Variants in KCND3 observed in about 807,000 individuals in gnomAD.
KCND3 encodes the protein potassium voltage-gated channel subfamily D member 3.
A neutral mutation model predicts 51.1 loss-of-function variants in KCND3; 9 were observed. The ratio of observed to expected loss-of-function variants is 0.18; its 90% CI spans 0.11 to 0.31. The LOEUF (loss-of-function observed/expected upper bound fraction) is 0.31. Among genes scored for constraint, KCND3 ranks in the 10% least tolerant of loss-of-function variants. The pLI is 1.00. For synonymous variants in KCND3, 349 were observed against 368.0 expected (o/e 0.95, Z 0.59); for missense variants, 526 against 903.8 (o/e 0.58, Z 5.36).
Position 111,800,624 on chromosome 1 carries a change from G to T in KCND3, c.1107-13518C>A, listed in dbSNP as rs528088665. ...ATGCTTCCTAAATGTCCAGTCAGTTGTTCCCTGCCCTATGGATGCATTGGC... is the reference window on the plus strand; with the variant it reads ...ATGCTTCCTAAATGTCCAGTCAGTTTTTCCCTGCCCTATGGATGCATTGGC... On this transcript the variant is annotated intron_variant, in intron 2 of 7. Coordinates refer to ENST00000302127, the MANE Select transcript of KCND3 (RefSeq NM_001378969.1). 4.6e-5 allele frequency among the ~76,000 whole-genome samples: 7 copies of T among 151,950 alleles called. No homozygotes were observed. The East Asian group carries it at 1.4e-3, about 29-fold the overall frequency.
At chr1:111,878,328 T>C (rs965755431) in intron 2 of KCND3, among the ~76,000 whole-genome samples, 1 of 152,238 alleles carries the variant, frequency 6.6e-6, no homozygotes, top group African/African-American at 2.4e-5. Context: ...TTATGCCTAA[T>C]AAGACACGGG....
intron 2 of KCND3, among the ~76,000 whole-genome samples, chr1:111,950,802 A>G (rs1469616770): frequency 6.6e-6 from 1 of 152,192 alleles, no homozygotes; most frequent in Non-Finnish European, 1.5e-5. Context: ...GTAAGCGACA[A>G]AGAGGACCCC....
chr1:111,986,832 G>A (rs1269215180), intron 1 of KCND3, among the ~76,000 whole-genome samples: 1 of 152,116 alleles, frequency 6.6e-6, no homozygotes, highest in African/African-American at 2.4e-5. Context: ...TGCTGAGGCT[G>A]GTGCTCAGCA....
Position 111,958,115 on chromosome 1 carries a change from C to T in KCND3, c.1106+23506G>A, listed in dbSNP as rs746323143. 1.2e-3 allele frequency among the ~76,000 whole-genome samples: 190 copies of T among 152,298 alleles called. No homozygotes were observed. The Middle Eastern group carries it at 0.017, about 14-fold the overall frequency. The stretch of plus-strand genomic sequence containing the variant: ...GGGACCCTGCCCAGTGACCTAGCAG[C>T]CTGGAGACAGGCTGTCCCCAAACCA... On this transcript the variant is annotated intron_variant, in intron 2 of 7. Coordinates refer to ENST00000302127, the MANE Select transcript of KCND3 (RefSeq NM_001378969.1).
intron 2 of KCND3, among the ~76,000 whole-genome samples, chr1:111,933,177 A>T (rs149924940): frequency 3.9e-5 from 6 of 152,286 alleles, no homozygotes; most frequent in Non-Finnish European, 8.8e-5. Flanking sequence ...CCCTGTCAAG[A>T]GGTGCCTTCT....
chr1:111,876,684 G>A (rs866644293), intron 2 of KCND3, among the ~76,000 whole-genome samples: 1 of 152,322 alleles, frequency 6.6e-6, no homozygotes, highest in African/African-American at 2.4e-5. Context: ...AGACAACATA[G>A]GGGTAGGCAA....
intron 2 of KCND3, among the ~76,000 whole-genome samples, chr1:111,902,607 A>G (rs879487521): frequency 2.6e-5 from 4 of 152,212 alleles, no homozygotes; most frequent in Admixed American, 6.5e-5. Context: ...GTTAAAAACT[A>G]GTGGTCCACA....
At chr1:111,875,676 C>CAA (rs1669017079) in intron 2 of KCND3, among the ~76,000 whole-genome samples, 1 of 152,190 alleles carries the variant, frequency 6.6e-6, no homozygotes, top group African/African-American at 2.4e-5. Context: ...TCTTGTGTTG[C>CAA]CTCTCTTAGC....
intron 2 of KCND3, among the ~76,000 whole-genome samples, chr1:111,899,304 C>T (rs146218949): frequency 6.6e-4 from 100 of 152,340 alleles, no homozygotes; most frequent in African/African-American, 2.4e-3. Context: ...GTAAAGCACC[C>T]AGGTCTAGTT....
chr1:111,917,551 C>T (rs1441683775), intron 2 of KCND3, among the ~76,000 whole-genome samples: 4 of 152,148 alleles, frequency 2.6e-5, no homozygotes, highest in South Asian at 2.1e-4. Context: ...TACTTGCCTC[C>T]GAAGCACCAG....
At chr1:111,824,681 T>C (rs1666497803) in intron 2 of KCND3, among the ~76,000 whole-genome samples, 1 of 152,156 alleles carries the variant, frequency 6.6e-6, no homozygotes, top group Non-Finnish European at 1.5e-5. Flanking sequence ...AAACCGACCC[T>C]CAGGCCTCCC....
At chr1:111,915,334 A>AT (rs892079713) in intron 2 of KCND3, among the ~76,000 whole-genome samples, 36 of 150,958 alleles carry the variant, frequency 2.4e-4, no homozygotes, top group South Asian at 4.2e-4. Context: ...ATCACATTGG[A>AT]TTTTTTTTTT....
At chr1:111,916,467 A>C (rs1446065407) in intron 2 of KCND3, among the ~76,000 whole-genome samples, 1 of 152,204 alleles carries the variant, frequency 6.6e-6, no homozygotes, top group East Asian at 1.9e-4. Context: ...CTGGAAAATA[A>C]ACAAGTCTCA....
intron 1 of KCND3, among the ~76,000 whole-genome samples, chr1:111,985,813 G>A (rs1262974912): frequency 6.6e-6 from 1 of 152,226 alleles, no homozygotes; most frequent in Non-Finnish European, 1.5e-5. Flanking sequence ...AAGGGAGGTT[G>A]AGTCAGATGC....
At chr1:111,938,303 T>C (rs56190370) in intron 2 of KCND3, among the ~76,000 whole-genome samples, 14,456 of 152,248 alleles carry the variant, frequency 0.095, 710 homozygotes, top group African/African-American at 0.12. Context: ...TCAACCTGCA[T>C]TGAGTGTCCA....
In KCND3 at chr1:111,957,325, C is replaced by T. The variant is rs57803254; in HGVS notation, c.1106+24296G>A. ...TCTTGGTAACTGGTTCTGTTTCATCCGGCCCCACCCGAGGAACGTGATGGG... is the reference window on the plus strand; with the variant it reads ...TCTTGGTAACTGGTTCTGTTTCATCTGGCCCCACCCGAGGAACGTGATGGG... On this transcript the variant is annotated intron_variant, in intron 2 of 7. Transcript: ENST00000302127. Among the ~76,000 whole-genome samples, 123 of 152,318 alleles carry T rather than the reference C, an allele frequency of 8.1e-4. 4 individuals carry two copies. The South Asian group carries it at 0.018, about 23-fold the overall frequency.
At chr1:111,944,776 G>A (rs895120261) in intron 2 of KCND3, among the ~76,000 whole-genome samples, 1 of 152,216 alleles carries the variant, frequency 6.6e-6, no homozygotes, top group African/African-American at 2.4e-5. Context: ...ATTCCCTGGG[G>A]GTGATTACAC....
At chr1:111,793,752 A>G (rs943173901) in intron 2 of KCND3, among the ~76,000 whole-genome samples, 8 of 152,152 alleles carry the variant, frequency 5.3e-5, no homozygotes, top group African/African-American at 1.4e-4. Context: ...CTGAGTCCTA[A>G]TGGCATTTAT....
intron 2 of KCND3, among the ~76,000 whole-genome samples, chr1:111,891,110 G>T (rs2101762006): frequency 6.6e-6 from 1 of 152,300 alleles, no homozygotes; most frequent in South Asian, 2.1e-4. Context: ...TAGGCAAGTT[G>T]TTTAACCTTT....
Sources: gnomAD v4.1 joint callset for allele counts (sites outside exome capture counted in the v4.1 genomes callset) on GRCh38, gnomAD v4.1.1 for gene constraint, MANE v1.5 for transcripts, NCBI Gene and HGNC (gene_info 2026-07-23, HGNC 2026-07-21) for gene names.